The following GSTO2 variants were observed in gnomAD, a reference collection of about 807,000 sequenced individuals.
GSTO2 encodes the protein glutathione S-transferase omega-2.
Under a neutral mutation model 28.4 loss-of-function variants are expected in GSTO2, and 23 were observed. The ratio of observed to expected loss-of-function variants is 0.81; its 90% CI spans 0.58 to 1.15. The LOEUF (loss-of-function observed/expected upper bound fraction) is 1.15, where lower values mean the gene tolerates loss of function less well. Among genes scored for constraint, GSTO2 ranks in the 50% most tolerant of loss-of-function variants. GSTO2 has a pLI of 0.00. For synonymous variants in GSTO2, 109 were observed against 111.0 expected, an observed-to-expected ratio of 0.98 and a Z score of 0.11; for missense variants, 298 against 297.8, an observed-to-expected ratio of 1.00 and a Z score of 0.00.
In GSTO2 at chr10:104,299,587, C is replaced by T. The variant is rs182632454; in HGVS notation, c.*303C>T. ...AACTCCTGGGCTCAGTTGATTCTCC[C>T]GCCTCAGCCTCCTGAGAAGCTAGGA... On this transcript the variant is annotated 3_prime_UTR_variant, in exon 7 of 7. Coordinates refer to ENST00000338595, the MANE Select transcript of GSTO2 (RefSeq NM_183239.2). 7 of 310,782 alleles carry T rather than the reference C, an allele frequency of 2.3e-5. No individual in the cohort carries two copies. Among genetic ancestry groups the T allele is most frequent in the East Asian group, 1.0e-4 (1 of 10,026 alleles). 19.3% of individuals were successfully genotyped at this position (310,782 alleles called of 1,614,324 possible).
At chr10:104,272,644 C>A (rs1255897689) in intron 1 of GSTO2, among the ~76,000 whole-genome samples, 13 of 99,492 alleles carry the variant, frequency 1.3e-4, no homozygotes, top group Non-Finnish European at 2.4e-4. Context: ...GACGGAGTCT[C>A]GCTCTGTCGC....
chr10:104,298,670 C>G (rs2013156097), intron 6 of GSTO2, among the ~76,000 whole-genome samples: 1 of 152,116 alleles, frequency 6.6e-6, no homozygotes, highest in African/African-American at 2.4e-5. Context: ...AAGGTTTCAT[C>G]CTTGTTTTAT....
chr10:104,275,374 G>C, intron 3 of GSTO2, 40 bp downstream of exon 3: 3 of 1,587,778 alleles, frequency 1.9e-6, no homozygotes, highest in Non-Finnish European at 2.6e-6. Flanking sequence ...CAAACCCAGC[G>C]CCTCACAGGA....
At chr10:104,293,382 G>A (rs1003696216) in intron 5 of GSTO2, among the ~76,000 whole-genome samples, 1 of 152,054 alleles carries the variant, frequency 6.6e-6, no homozygotes, top group Non-Finnish European at 1.5e-5. Flanking sequence ...TTACAGAAAA[G>A]AATTCACAAG....
intron 1 of GSTO2, 38 bp downstream of exon 1, chr10:104,269,307 A>AG (rs2011268181): frequency 6.6e-6 from 1 of 152,190 alleles, no homozygotes; most frequent in Admixed American, 6.5e-5. Flanking sequence ...GGAAGGGAAG[A>AG]GGGGTTTGAG....
chr10:104,282,233 A>G (rs866405187), intron 5 of GSTO2, among the ~76,000 whole-genome samples: 6 of 148,548 alleles, frequency 4.0e-5, no homozygotes, highest in South Asian at 4.2e-4. Flanking sequence ...TTCAAAAAAA[A>G]AAAAAAAAAA....
chr10:104,277,846 A>C, intron 3 of GSTO2, 48 bp from the exon 4 acceptor site: 1 of 1,259,892 alleles, frequency 7.9e-7, no homozygotes, highest in Non-Finnish European at 1.2e-6. Flanking sequence ...GCCTGCCTGC[A>C]GATGCCTCTC....
At chr10:104,286,202 G>C (rs186811297) in intron 5 of GSTO2, among the ~76,000 whole-genome samples, 72 of 120,404 alleles carry the variant, frequency 6.0e-4, no homozygotes, top group African/African-American at 3.3e-3. Context: ...TAATTTCAGA[G>C]CGTTTTTTTT....
At chr10:104,293,202 C>T in intron 5 of GSTO2, among the ~76,000 whole-genome samples, 1 of 152,144 alleles carries the variant, frequency 6.6e-6, no homozygotes, top group Non-Finnish European at 1.5e-5. Context: ...ATTCTTTTCA[C>T]AGAGAAGCTC....
chr10:104,275,830 G>C (rs926206965), intron 3 of GSTO2, among the ~76,000 whole-genome samples: 2 of 152,130 alleles, frequency 1.3e-5, no homozygotes, highest in Non-Finnish European at 2.9e-5. Flanking sequence ...CATGAGCTAG[G>C]AGAGAGCCTG....
chr10:104,292,055 C>G (rs2012797791), intron 5 of GSTO2, among the ~76,000 whole-genome samples: 1 of 152,042 alleles, frequency 6.6e-6, no homozygotes, highest in Non-Finnish European at 1.5e-5. Context: ...TTTGTAGAAG[C>G]CTTATAGGGG....
At chr10:104,299,031 C>T (rs2013169699) in intron 6 of GSTO2, 97 bp from the exon 7 acceptor site, 4 of 1,126,714 alleles carry the variant, frequency 3.6e-6, no homozygotes, top group African/African-American at 3.2e-5. Context: ...CCCAAATAAA[C>T]TCATTCTTCA....
chr10:104,274,898 G>A lies in GSTO2; in HGVS notation c.-18G>A. ...GGCGACCGTGAGCTCCGGGAGCTGC[G>A]CAAACCACCTGGAGACCATGTCTGG... On this transcript the variant is annotated 5_prime_UTR_variant, in exon 2 of 7. Transcript: ENST00000338595. The A allele has an allele frequency of 6.2e-7, 1 of 1,607,178 alleles. No individual in the cohort carries two copies. Among genetic ancestry groups the A allele is most frequent in the East Asian group, 2.2e-5 (1 of 44,490 alleles).
At chr10:104,279,333 C>G in intron 4 of GSTO2, 37 bp from the exon 5 acceptor site, 1 of 1,551,382 alleles carries the variant, frequency 6.4e-7, no homozygotes, top group Non-Finnish European at 8.9e-7. Context: ...GAAGTTTCCA[C>G]AGACTTCTCC....
chr10:104,299,143 G>T lies in GSTO2; in HGVS notation c.591G>T (p.Thr197=), dbSNP rs3758572. The T allele has an allele frequency of 0.029, 46,118 of 1,613,820 alleles. 1,562 individuals carry two copies. Among genetic ancestry groups the T allele is most frequent in the East Asian group, 0.14 (6,114 of 44,858 alleles). ...TGTCTTGCAGCTGTGTGAGCCACAC[G>T]CCAGCCCTGCGGCTCTGGATATCAG... The part of the protein sequence containing the change: ...VYGILDCVSH[T]PALRLWISAM... Residue 197 remains threonine, a synonymous_variant, in exon 7 of 7, where the codon ACG becomes ACT. Coordinates refer to ENST00000338595, the MANE Select transcript of GSTO2 (RefSeq NM_183239.2).
rs2013195646 is a variant in GSTO2, at chr10:104,299,502, A to G, written c.*218A>G. On this transcript the variant is annotated 3_prime_UTR_variant, in exon 7 of 7. Transcript: ENST00000338595. ...TTTTTTCCTTTTTTTTTTTGAGGCA[A>G]GATCTTGCTTCGTTACTCAGGCTGG... The G allele has an allele frequency of 7.8e-6, 4 of 512,042 alleles. No homozygotes were observed. Among genetic ancestry groups the G allele is most frequent in the African/African-American group, 2.0e-5 (1 of 50,546 alleles). The allele number at this position is 512,042 out of a possible 1,614,324, so 31.7% of individuals were successfully genotyped here.
At chr10:104,280,141 G>T (rs1484163296) in intron 5 of GSTO2, among the ~76,000 whole-genome samples, 1 of 139,974 alleles carries the variant, frequency 7.1e-6, no homozygotes, top group Non-Finnish European at 1.5e-5. Context: ...ACTCTAGCCT[G>T]GGTGACAGAG....
Position 104,302,481 on chromosome 10 carries a change from C to T in GSTO2, c.*3197C>T, listed in dbSNP as rs1202121908. The stretch of plus-strand genomic sequence containing the variant: ...TGGACTCAGTCCAGTTACAATCTAA[C>T]ATGGCTAGGGGGAGGAGGGAGCATG... On this transcript the variant is annotated 3_prime_UTR_variant, in exon 7 of 7. Coordinates refer to ENST00000338595, the MANE Select transcript of GSTO2 (RefSeq NM_183239.2). 1 of 152,416 alleles carries T rather than the reference C, an allele frequency of 6.6e-6. No individual in the cohort carries two copies. Among genetic ancestry groups the T allele is most frequent in the Non-Finnish European group, 1.5e-5 (1 of 68,064 alleles). 9.4% of individuals were successfully genotyped at this position (152,416 alleles called of 1,614,324 possible).
In GSTO2 at chr10:104,279,396, G is replaced by GT; in HGVS notation, c.393_394insT (p.Val132CysfsTer11). 6.2e-7 allele frequency: 1 copy of GT among 1,613,994 alleles called. No individual in the cohort carries two copies. Among genetic ancestry groups the GT allele is most frequent in the Non-Finnish European group, 8.5e-7 (1 of 1,179,870 alleles). ...TCCCACATTTGACCAAGGAGTGCCT[G>GT]GTAGCGTTGAGATGTGGGAGAGAAT... On this transcript the variant is annotated frameshift_variant, in exon 5 of 7. Coordinates refer to ENST00000338595, the MANE Select transcript of GSTO2 (RefSeq NM_183239.2). LOFTEE classifies it high-confidence loss of function.
Sources: allele counts gnomAD v4.1 joint callset (sites outside exome capture counted in the v4.1 genomes callset), GRCh38; gene constraint gnomAD v4.1.1; transcripts MANE v1.5; gene names NCBI Gene and HGNC (gene_info 2026-07-23, HGNC 2026-07-21).